The following MYH16 variants were observed in gnomAD, a reference collection of about 807,000 sequenced individuals.
MYH16 encodes the protein putative uncharacterized protein MYH16.
At chr7:99,277,300 C>G (rs780648734) in intron 20 of MYH16, among the ~76,000 whole-genome samples, 2 of 152,102 alleles carry the variant, frequency 1.3e-5, no homozygotes, top group Non-Finnish European at 2.9e-5. Flanking sequence ...AAAGAGCATC[C>G]TAAGAATTGT....
At chr7:99,310,236 G>C (rs1792741921), downstream of MYH16, among the ~76,000 whole-genome samples, 1 of 152,210 alleles carries the variant, frequency 6.6e-6, no homozygotes, top group Non-Finnish European at 1.5e-5. Flanking sequence ...TCAGAGAGCT[G>C]CAGCGCGGTG....
chr7:99,276,140 T>G (rs1411465326), intron 20 of MYH16, among the ~76,000 whole-genome samples: 7 of 152,228 alleles, frequency 4.6e-5, no homozygotes, highest in Non-Finnish European at 5.9e-5. Context: ...ACACTTGTAG[T>G]AGGTTTCCAT....
chr7:99,278,571 G>A (rs994128785), intron 21 of MYH16, among the ~76,000 whole-genome samples: 3 of 152,136 alleles, frequency 2.0e-5, no homozygotes, highest in African/African-American at 7.2e-5. Context: ...TCTCACAGCC[G>A]CCCTGTAAGA....
At chr7:99,265,667 G>GT (rs1791979933) in exon 17 of MYH16, 1 of 154,254 alleles carries the variant, frequency 6.5e-6, no homozygotes, top group African/African-American at 2.4e-5. Flanking sequence ...ACAGGCTGCA[G>GT]TACCCGGAGT....
chr7:99,243,557 AGGGACCAC>A, intron 2 of MYH16: 1 of 152,426 alleles, frequency 6.6e-6, no homozygotes. Context: ...ACAAAGGCAC[AGGGACCAC>A]GTTTCTGACA....
At chr7:99,292,595 C>T (rs1053862563) in intron 32 of MYH16, 87 bp downstream of exon 13, 5 of 421,072 alleles carry the variant, frequency 1.2e-5, no homozygotes, top group Non-Finnish European at 1.9e-5. Flanking sequence ...ACTGCTGAGG[C>T]CAGGGCCAAG....
chr7:99,289,423 G>T lies in MYH16; in HGVS notation n.3824+19G>T, dbSNP rs936796218. 1.1e-4 allele frequency: 44 copies of T among 393,738 alleles called. No individual in the cohort carries two copies. Among genetic ancestry groups the T allele is most frequent in the African/African-American group, 8.0e-4 (38 of 47,530 alleles). The allele number at this position is 393,738 out of a possible 1,614,324, so 24.4% of individuals were successfully genotyped here. A position where few individuals can be genotyped will look rare whatever the true frequency, so the allele number is the denominator to read the frequency against. ...CTCCAAGGTGAGCCCTCTCCGCCCTGAGCTTGCTAAGGAGCAGTGCATGGA... is the reference window on the plus strand; with the variant it reads ...CTCCAAGGTGAGCCCTCTCCGCCCTTAGCTTGCTAAGGAGCAGTGCATGGA... On this transcript the variant is annotated intron_variant and non_coding_transcript_variant, in intron 30 of 41. Transcript: ENST00000439784.
chr7:99,277,924 A>T (rs1231706365), intron 21 of MYH16, among the ~76,000 whole-genome samples: 250 of 132,218 alleles, frequency 1.9e-3, no homozygotes, highest in African/African-American at 8.2e-3. Context: ...TGTGAGAGAG[A>T]GAGAGAGAGA....
At chr7:99,243,837 T>TCATCCATCCATCCATCCAAA (rs1791697508) in intron 2 of MYH16, among the ~76,000 whole-genome samples, 2 of 143,660 alleles carry the variant, frequency 1.4e-5, no homozygotes, top group Non-Finnish European at 3.1e-5. Flanking sequence ...ATCCATTCGT[T>TCATCCATCCATCCATCCAAA]CATCCATCCA....
At chr7:99,304,428 C>T (rs1351664327) in intron 39 of MYH16, among the ~76,000 whole-genome samples, 158 bp from the exon 21 acceptor site, 1 of 152,180 alleles carries the variant, frequency 6.6e-6, no homozygotes, top group Non-Finnish European at 1.5e-5. Flanking sequence ...GCATAGAGCA[C>T]CCCTTCCACC....
At chr7:99,274,369 C>T (rs957289281) in intron 20 of MYH16, among the ~76,000 whole-genome samples, 2 of 152,164 alleles carry the variant, frequency 1.3e-5, no homozygotes, top group South Asian at 2.1e-4. Flanking sequence ...AAGGAGGACC[C>T]GCAGAGGGTG....
intron 23 of MYH16, among the ~76,000 whole-genome samples, chr7:99,282,462 ATTTTATTTTT>A (rs1792212233): frequency 6.7e-6 from 1 of 148,306 alleles, no homozygotes; most frequent in Admixed American, 6.7e-5. Context: ...TGGTCATAAC[ATTTTATTTTT>A]TTTTATTTTT....
chr7:99,254,786 G>A (rs990836594), intron 8 of MYH16, among the ~76,000 whole-genome samples: 3 of 152,184 alleles, frequency 2.0e-5, no homozygotes, highest in Non-Finnish European at 4.4e-5. Context: ...TATTTGTTTG[G>A]ACAAAGTATA....
intron 10 of MYH16, chr7:99,257,585 A>G (rs1791886509): frequency 6.6e-6 from 1 of 152,252 alleles, no homozygotes; most frequent in African/African-American, 2.4e-5. Context: ...TATTTTCAGA[A>G]AGGCACAATT....
chr7:99,306,809 A>C (rs1274848302), exon 42 of MYH16: 1 of 152,690 alleles, frequency 6.5e-6, no homozygotes, highest in Non-Finnish European at 1.5e-5. Flanking sequence ...CTGAGGAGTG[A>C]GGCCCTCCGT....
intron 21 of MYH16, among the ~76,000 whole-genome samples, chr7:99,278,261 G>A (rs1792146315): frequency 6.6e-6 from 1 of 152,058 alleles, no homozygotes; most frequent in African/African-American, 2.4e-5. Context: ...ATTCTTATTT[G>A]CACACAGCAG....
chr7:99,239,211 C>G (rs775046628), intron 1 of MYH16, among the ~76,000 whole-genome samples: 3 of 152,222 alleles, frequency 2.0e-5, no homozygotes, highest in Non-Finnish European at 4.4e-5. Context: ...CTGGGCAAGA[C>G]GCATTCCCTC....
intron 20 of MYH16, among the ~76,000 whole-genome samples, chr7:99,274,641 A>G (rs969942212): frequency 3.3e-5 from 5 of 149,498 alleles, no homozygotes; most frequent in African/African-American, 7.4e-5. Flanking sequence ...CGCCTGTTCC[A>G]TGACTCACCT....
At chr7:99,248,426 T>G (rs34484888) in intron 3 of MYH16, among the ~76,000 whole-genome samples, 130,214 of 152,162 alleles carry the variant, frequency 0.86, 56,282 homozygotes, top group Middle Eastern at 0.94. Context: ...AAGAGATGGG[T>G]TCTTTGTTGC....
Sources: gnomAD v4.1 joint callset for allele counts (sites outside exome capture counted in the v4.1 genomes callset) on GRCh38, gnomAD v4.1.1 for gene constraint, MANE v1.5 for transcripts, NCBI Gene and HGNC (gene_info 2026-07-23, HGNC 2026-07-21) for gene names.